SEC16B: variants seen among roughly 807,000 people sequenced by gnomAD.
SEC16B encodes SEC16 homolog B, endoplasmic reticulum export factor, also known as protein transport protein Sec16B.
In SEC16B, 115 loss-of-function variants were observed where a neutral mutation model predicts 141.8. The observed-to-expected ratio is 0.81, with a 90% CI of 0.70 to 0.95. The LOEUF is 0.95. Among genes scored for constraint, SEC16B ranks in the 40% least tolerant of loss-of-function variants. The pLI, the probability that SEC16B is intolerant of heterozygous loss-of-function variation, is 0.00. For synonymous variants in SEC16B, 493 were observed against 492.5 expected (o/e 1.00, Z -0.01); for missense variants, 1,291 against 1,312.3 (o/e 0.98, Z 0.25).
intron 1 of SEC16B, among the ~76,000 whole-genome samples, chr1:177,982,672 A>G (rs755226574): frequency 5.3e-5 from 8 of 152,228 alleles, no homozygotes; most frequent in African/African-American, 7.2e-5. Context: ...ATGGCCACCA[A>G]TGGTGGGTAT....
chr1:177,940,664 A>G lies in SEC16B; in HGVS notation c.2073T>C (p.Ser691=). Residue 691 remains serine (S), a synonymous_variant, in exon 17 of 26, where the codon AGT becomes AGC. Coordinates refer to ENST00000308284, the MANE Select transcript of SEC16B (RefSeq NM_033127.4). ...AATCTGGCTCCAGGTCCCTGTCTCC[A>G]CTGCGTCTTTCTAAAACCAGAGGAT... ...LSDPLVLERR[S]GDRDLEPDWL... 1 of 1,613,902 alleles carries G rather than the reference A, an allele frequency of 6.2e-7. No homozygotes were observed. Among genetic ancestry groups the G allele is most frequent in the Non-Finnish European group, 8.5e-7 (1 of 1,179,862 alleles).
In SEC16B at chr1:177,929,810, C is replaced by A. The variant is rs1383057196; in HGVS notation, c.*48G>T. 2 of 1,598,088 alleles carry A rather than the reference C, an allele frequency of 1.3e-6. No individual in the cohort carries two copies. Among genetic ancestry groups the A allele is most frequent in the Non-Finnish European group, 1.7e-6 (2 of 1,168,524 alleles). On this transcript the variant is annotated 3_prime_UTR_variant, in exon 26 of 26. Transcript: ENST00000308284. Reference sequence around the variant, plus strand: ...GGCTGGGAGATTGAGAAAAAGAGAGCAAGAAAGTTTCAGTCCTGGGAGATG... The same window carrying A: ...GGCTGGGAGATTGAGAAAAAGAGAGAAAGAAAGTTTCAGTCCTGGGAGATG...
intron 8 of SEC16B, 179 bp downstream of exon 8, chr1:177,960,163 C>T (rs1652944556): frequency 6.8e-6 from 4 of 586,082 alleles, no homozygotes; most frequent in Non-Finnish European, 1.2e-5. Flanking sequence ...TATTGAATGG[C>T]TTGTCAAAAT....
intron 25 of SEC16B, 44 bp downstream of exon 25, chr1:177,930,501 A>G: frequency 7.1e-7 from 1 of 1,407,782 alleles, no homozygotes; most frequent in Non-Finnish European, 1.0e-6. Context: ...CTTAATCCAA[A>G]ACCTGTACTC....
At chr1:177,949,524 T>TAGAG (rs148147693) in intron 12 of SEC16B, among the ~76,000 whole-genome samples, 23,040 of 147,562 alleles carry the variant, frequency 0.16, 1,900 homozygotes, top group Middle Eastern at 0.22. Context: ...GGGGACACAG[T>TAGAG]AGAGAGAGAG....
chr1:177,958,457 T>C, intron 9 of SEC16B, 95 bp from the exon 10 acceptor site: 4 of 1,011,852 alleles, frequency 4.0e-6, no homozygotes, highest in Non-Finnish European at 4.3e-6. Flanking sequence ...GCCTGCCTTC[T>C]TCACATGGAA....
At chr1:177,958,492 T>C in intron 9 of SEC16B, 130 bp from the exon 10 acceptor site, 2 of 690,870 alleles carry the variant, frequency 2.9e-6, no homozygotes, top group Non-Finnish European at 4.7e-6. Context: ...CATAAGGCAG[T>C]CCTTTGTTAG....
chr1:177,969,074 C>T (rs1653771949), intron 1 of SEC16B, among the ~76,000 whole-genome samples: 1 of 152,188 alleles, frequency 6.6e-6, no homozygotes, highest in Admixed American at 6.5e-5. Flanking sequence ...GTGTCAGGAG[C>T]ATCCACAGGC....
intron 10 of SEC16B, among the ~76,000 whole-genome samples, chr1:177,957,650 TG>T (rs1421977439): frequency 6.6e-6 from 1 of 152,232 alleles, no homozygotes; most frequent in Non-Finnish European, 1.5e-5. Flanking sequence ...CTTTATCCTT[TG>T]TGTTACAAAC....
chr1:177,954,750 A>T lies in SEC16B; in HGVS notation c.1366-374T>A, dbSNP rs1178284838. ...AAGAGAGGAGATTTTAAGTGTTCTCATTAGAAAAAACATGATAAATATGTG... is the reference window on the plus strand; with the variant it reads ...AAGAGAGGAGATTTTAAGTGTTCTCTTTAGAAAAAACATGATAAATATGTG... On this transcript the variant is annotated intron_variant, in intron 10 of 25. Coordinates refer to ENST00000308284, the MANE Select transcript of SEC16B (RefSeq NM_033127.4). Among the ~76,000 whole-genome samples the T allele has an allele frequency of 7.9e-5, 12 of 152,248 alleles. No individual in the cohort carries two copies. In the East Asian group the frequency reaches 2.3e-3, roughly 29 times the overall value.
chr1:177,940,636 G>A lies in SEC16B; in HGVS notation c.2101C>T (p.Leu701=). The change falls in exon 17 of 26, where the codon CTA becomes TTA. Residue 701 remains leucine (L), a synonymous_variant. Coordinates refer to ENST00000308284, the MANE Select transcript of SEC16B (RefSeq NM_033127.4). ...SGDRDLEPDW[L]AQLRRQLEQK... ...TCCAGCTGCCTCCGAAGTTGCGCTA[G>A]CCAATCTGGCTCCAGGTCCCTGTCT... is the stretch of plus-strand genomic sequence containing the variant. 6.2e-6 allele frequency: 10 copies of A among 1,613,842 alleles called. No homozygotes were observed. Among genetic ancestry groups the A allele is most frequent in the Non-Finnish European group, 8.5e-6 (10 of 1,179,812 alleles).
intron 19 of SEC16B, 62 bp from the exon 20 acceptor site, chr1:177,936,427 A>T: frequency 7.1e-7 from 1 of 1,415,466 alleles, no homozygotes; most frequent in Non-Finnish European, 9.8e-7. Context: ...TCTATCCTGA[A>T]GAAGGGTAAC....
rs1571342710 is a variant in SEC16B at position 177,961,419 on chromosome 1, T to C, written c.787+171A>G. 5.9e-5 allele frequency: 37 copies of C among 629,256 alleles called. No individual in the cohort carries two copies. The East Asian group carries it at 1.1e-3, about 19-fold the overall frequency. The allele number at this position is 629,256 out of a possible 1,614,324, so 39.0% of individuals were successfully genotyped here. On this transcript the variant is annotated intron_variant, in intron 6 of 25. Coordinates refer to ENST00000308284, the MANE Select transcript of SEC16B (RefSeq NM_033127.4). ...GAATCAGCTATGATGCAATTACTAT[T>C]ACAAGCAAAAAGAGAGAAAATGGAA...
chr1:177,971,866 T>C (rs915305754), upstream of SEC16B, among the ~76,000 whole-genome samples: 9 of 152,196 alleles, frequency 5.9e-5, no homozygotes, highest in African/African-American at 1.9e-4. Flanking sequence ...AGCCGGTTGT[T>C]AAACCATGGA....
chr1:177,958,971 C>G lies in SEC16B; in HGVS notation c.1003G>C (p.Asp335His). The change falls in exon 9 of 26, where the codon GAT becomes CAT. Residue 335 changes from aspartate to histidine, a missense_variant. By Grantham distance (81) the Asp-to-His change is moderately conservative. Coordinates refer to ENST00000308284, the MANE Select transcript of SEC16B (RefSeq NM_033127.4). ...RSFSGPLIRE[D>H]VHKVDIMTFC... ...GTCATAATATCCACCTTATGTACAT[C>G]TTCCCTACATGGAAAAAATTTAGGG... 6.2e-7 allele frequency: 1 copy of G among 1,612,638 alleles called. No homozygotes were observed. The highest frequency in any genetic ancestry group is 8.5e-7 in the Non-Finnish European group (1 of 1,179,388).
In SEC16B at chr1:177,954,971, T is replaced by G. The variant is rs141565495; in HGVS notation, c.1366-595A>C. ...CAAAAGTACTTCAACTTCATTTTTA[T>G]AAATTAATTTTGAAGTAGAAAAAGC... is the stretch of plus-strand genomic sequence containing the variant. On this transcript the variant is annotated intron_variant, in intron 10 of 25. Coordinates refer to ENST00000308284, the MANE Select transcript of SEC16B (RefSeq NM_033127.4). 2.7e-3 allele frequency among the ~76,000 whole-genome samples: 415 copies of G among 152,286 alleles called. 4 individuals are homozygous for G. The highest frequency in any genetic ancestry group is 9.7e-3 in the African/African-American group (402 of 41,546).
At chr1:177,970,455 T>C (rs1435618662), upstream of SEC16B, among the ~76,000 whole-genome samples, 2 of 152,214 alleles carry the variant, frequency 1.3e-5, no homozygotes, top group East Asian at 3.9e-4. Context: ...TATAGGTAAG[T>C]ATGCCCTGCA....
Position 177,930,613 on chromosome 1 carries a change from C to T in SEC16B, c.3043G>A (p.Gly1015Ser). The change falls in exon 25 of 26, where the codon GGT (glycine) becomes AGT (serine). Residue 1015 changes from glycine to serine, a missense_variant. This residue lies in a region of SEC16B where 605 missense variants were observed against 614.1 expected (regional missense o/e 0.99). Coordinates refer to ENST00000308284, the MANE Select transcript of SEC16B (RefSeq NM_033127.4). Reference protein sequence around the residue: ...SVSFELCSNPGVLLPPPALKG... With the variant: ...SVSFELCSNPSVLLPPPALKG... ...AAGGCAGGTGGAGGAAGAAGAACAC[C>T]AGGGTTGGAGCAGAGCTCAAAGGAA... The T allele has an allele frequency of 6.2e-7, 1 of 1,613,652 alleles. No individual in the cohort carries two copies. The highest frequency in any genetic ancestry group is 8.5e-7 in the Non-Finnish European group (1 of 1,179,780).
chr1:177,933,460 G>C (rs776997111), intron 21 of SEC16B, 24 bp downstream of exon 21: 2 of 1,607,866 alleles, frequency 1.2e-6, no homozygotes, highest in South Asian at 1.1e-5. Context: ...GGAAGGCAGG[G>C]GAGAGAAGAA....
Sources: allele counts gnomAD v4.1 joint callset (sites outside exome capture counted in the v4.1 genomes callset), GRCh38; gene constraint gnomAD v4.1.1; regional missense constraint gnomAD v4.1.1; transcripts MANE v1.5; gene names NCBI Gene and HGNC (gene_info 2026-07-23, HGNC 2026-07-21).